BLK: variants seen among roughly 807,000 people sequenced by gnomAD.
BLK encodes tyrosine-protein kinase Blk.
A neutral mutation model predicts 61.8 loss-of-function variants in BLK; 64 were observed. That is an observed-to-expected ratio of 1.03 (90% CI 0.85 to 1.27). The LOEUF (loss-of-function observed/expected upper bound fraction) is 1.27. Among genes scored for constraint, BLK ranks in the 50% most tolerant of loss-of-function variants. The pLI is 0.00. For synonymous variants in BLK, 351 were observed against 272.0 expected, an observed-to-expected ratio of 1.29 and a Z score of -2.86; for missense variants, 853 against 660.5, an observed-to-expected ratio of 1.29 and a Z score of -3.19.
rs577166119 is a variant in BLK at position 11,549,264 on chromosome 8, G to C, written c.368+142G>C. 6.5e-6 allele frequency: 5 copies of C among 768,888 alleles called. No homozygotes were observed. In the East Asian group the frequency reaches 1.3e-4, roughly 21 times the overall value. The allele number at this position is 768,888 out of a possible 1,614,324, so 47.6% of individuals were successfully genotyped here. On this transcript the variant is annotated intron_variant, in intron 5 of 12. Transcript: ENST00000259089. The stretch of plus-strand genomic sequence containing the variant: ...AAAGAGGGGACAGGAAATGAGCTCT[G>C]CTGGGAAAGGCCTCTCTGCTGGCTC...
chr8:11,550,042 G>C (rs893499983), intron 5 of BLK, 117 bp from the exon 6 acceptor site: 6 of 938,666 alleles, frequency 6.4e-6, no homozygotes, highest in African/African-American at 4.8e-5. Context: ...GGCCGACTGG[G>C]ACCAGAAATG....
At chr8:11,511,772 A>C (rs892198135) in intron 1 of BLK, among the ~76,000 whole-genome samples, 1 of 152,246 alleles carries the variant, frequency 6.6e-6, no homozygotes, top group Non-Finnish European at 1.5e-5. Context: ...GTAGTGCAAC[A>C]TTCAACATGA....
rs188999433 is a variant in BLK, at chr8:11,541,161, A to G, written c.-1-2063A>G. On this transcript the variant is annotated intron_variant, in intron 1 of 12. Coordinates refer to ENST00000259089, the MANE Select transcript of BLK (RefSeq NM_001715.3). ...ACATGCCTGTCATCCCAGCTACTCGAGAGGCTGAGGTGGGAGGATCACCTT... is the reference window on the plus strand; with the variant it reads ...ACATGCCTGTCATCCCAGCTACTCGGGAGGCTGAGGTGGGAGGATCACCTT... 1.6e-3 allele frequency among the ~76,000 whole-genome samples: 176 copies of G among 109,614 alleles called. 1 individual carries two copies. The Middle Eastern group carries it at 0.02, about 12-fold the overall frequency. 71.9% of individuals were successfully genotyped at this position (109,614 alleles called of 152,430 possible). A position where few individuals can be genotyped will look rare whatever the true frequency, so the allele number is the denominator to read the frequency against.
intron 1 of BLK, among the ~76,000 whole-genome samples, chr8:11,512,428 A>G (rs1188658032): frequency 6.6e-6 from 1 of 152,248 alleles, no homozygotes; most frequent in Non-Finnish European, 1.5e-5. Flanking sequence ...GCCATCTGAC[A>G]CAGATGTGGA....
At chr8:11,506,085 C>G (rs1019986707) in intron 1 of BLK, among the ~76,000 whole-genome samples, 1 of 152,240 alleles carries the variant, frequency 6.6e-6, no homozygotes, top group African/African-American at 2.4e-5. Flanking sequence ...GCCAGGTGCA[C>G]GTGGCTCTTC....
At chr8:11,534,551 C>G (rs984006455) in intron 1 of BLK, among the ~76,000 whole-genome samples, 6 of 152,156 alleles carry the variant, frequency 3.9e-5, no homozygotes, top group Non-Finnish European at 7.3e-5. Flanking sequence ...TATAAAAATG[C>G]CTTCTTCCTT....
At chr8:11,544,304 C>A (rs1159048930) in intron 2 of BLK, among the ~76,000 whole-genome samples, 2 of 152,150 alleles carry the variant, frequency 1.3e-5, no homozygotes, top group Non-Finnish European at 2.9e-5. Context: ...GCTCTCTCCA[C>A]TCCCTGACCA....
intron 1 of BLK, among the ~76,000 whole-genome samples, chr8:11,538,038 G>A (rs1026375183): frequency 6.6e-6 from 1 of 152,026 alleles, no homozygotes; most frequent in African/African-American, 2.4e-5. Context: ...GCACATGCAT[G>A]CTCTCTCACA....
intron 12 of BLK, among the ~76,000 whole-genome samples, 181 bp from the exon 13 acceptor site, chr8:11,563,722 T>A (rs981837857): frequency 1.3e-5 from 2 of 152,106 alleles, no homozygotes; most frequent in African/African-American, 4.8e-5. Context: ...CAATAAAAAG[T>A]AAATAAAGGG....
chr8:11,513,561 G>A (rs922397530), intron 1 of BLK, among the ~76,000 whole-genome samples: 10 of 152,150 alleles, frequency 6.6e-5, no homozygotes, highest in African/African-American at 2.4e-4. Flanking sequence ...TGAATGTTAG[G>A]GCTGGAGGCA....
Position 11,564,482 on chromosome 8 carries a change from C to T in BLK, c.*374C>T. On this transcript the variant is annotated 3_prime_UTR_variant, in exon 13 of 13. Transcript: ENST00000259089. Reference sequence around the variant, plus strand: ...CCGCCTCTGCGCCCTGCGTGGACCCCGCCCTGCCCCGCTACAGAAGCCAGA... The same window carrying T: ...CCGCCTCTGCGCCCTGCGTGGACCCTGCCCTGCCCCGCTACAGAAGCCAGA... 1 of 520,680 alleles carries T rather than the reference C, an allele frequency of 1.9e-6. No individual in the cohort carries two copies. Among genetic ancestry groups the T allele is most frequent in the Non-Finnish European group, 3.7e-6 (1 of 268,842 alleles). The allele number at this position is 520,680 out of a possible 1,614,324, so 32.3% of individuals were successfully genotyped here.
At chr8:11,518,058 G>A (rs150801138) in intron 1 of BLK, among the ~76,000 whole-genome samples, 8 of 152,296 alleles carry the variant, frequency 5.3e-5, no homozygotes, top group Non-Finnish European at 8.8e-5. Flanking sequence ...AGCTCACTCT[G>A]CAGAAGAGGG....
intron 10 of BLK, among the ~76,000 whole-genome samples, chr8:11,559,312 C>A (rs1474580687): frequency 7.2e-6 from 1 of 138,984 alleles, no homozygotes; most frequent in African/African-American, 2.5e-5. Flanking sequence ...CTCTCACACA[C>A]ATAAAAACAC....
At chr8:11,554,447 G>A (rs1331875580) in intron 6 of BLK, among the ~76,000 whole-genome samples, 1 of 152,130 alleles carries the variant, frequency 6.6e-6, no homozygotes, top group Admixed American at 6.5e-5. Flanking sequence ...GCCCAAGTGG[G>A]GACCTACATG....
intron 1 of BLK, among the ~76,000 whole-genome samples, chr8:11,541,589 C>T (rs62489140): frequency 0.13 from 20,063 of 151,598 alleles, 1,559 homozygotes; most frequent in East Asian, 0.25. Context: ...CCTCCGCCTC[C>T]TGGGTTCAAG....
At chr8:11,563,529 C>T (rs1801588164) in intron 12 of BLK, among the ~76,000 whole-genome samples, 2 of 152,192 alleles carry the variant, frequency 1.3e-5, no homozygotes, top group African/African-American at 4.8e-5. Context: ...CCACTTGGCC[C>T]CCACAGGTGG....
At chr8:11,562,597 C>T (rs766729401) in intron 11 of BLK, among the ~76,000 whole-genome samples, 3 of 152,232 alleles carry the variant, frequency 2.0e-5, no homozygotes, top group African/African-American at 4.8e-5. Context: ...GAGGCGCCCG[C>T]AGGTTTAAAT....
intron 10 of BLK, 82 bp downstream of exon 10, chr8:11,558,120 T>C: frequency 7.2e-7 from 1 of 1,383,172 alleles, no homozygotes; most frequent in Non-Finnish European, 1.0e-6. Flanking sequence ...TACCACCCCA[T>C]CCTCTCAGCC....
At chr8:11,525,703 T>C (rs1384620251) in intron 1 of BLK, among the ~76,000 whole-genome samples, 1 of 152,228 alleles carries the variant, frequency 6.6e-6, no homozygotes, top group African/African-American at 2.4e-5. Flanking sequence ...CCACCACTCA[T>C]GTGCCCTCCT....
Sources: gnomAD v4.1 joint callset for allele counts (sites outside exome capture counted in the v4.1 genomes callset) on GRCh38, gnomAD v4.1.1 for gene constraint, MANE v1.5 for transcripts, NCBI Gene and HGNC (gene_info 2026-07-23, HGNC 2026-07-21) for gene names.